The following CSMD1 variants were observed in gnomAD, a reference collection of about 807,000 sequenced individuals.
CSMD1 encodes the protein CUB and Sushi multiple domains 1, also known as CUB and sushi domain-containing protein 1.
CSMD1 carries 213 observed loss-of-function variants against 417.5 expected under a neutral mutation model. The observed-to-expected ratio is 0.51, with a 90% CI of 0.46 to 0.57. CSMD1 has a LOEUF of 0.57. Among genes scored for constraint, CSMD1 ranks in the 20% least tolerant of loss-of-function variants. CSMD1 has a pLI of 0.00. For synonymous variants in CSMD1, 2,862 were observed against 1,736.8 expected, an observed-to-expected ratio of 1.65 and a Z score of -16.11; for missense variants, 6,923 against 4,529.7, an observed-to-expected ratio of 1.53 and a Z score of -15.17.
At chr8:3,393,695 T>G (rs1184831991) in intron 17 of CSMD1, among the ~76,000 whole-genome samples, 1 of 151,812 alleles carries the variant, frequency 6.6e-6, no homozygotes, top group African/African-American at 2.4e-5. Context: ...TGTAGGGACA[T>G]GGATGAAGCT....
intron 1 of CSMD1, among the ~76,000 whole-genome samples, chr8:4,789,895 G>T (rs1419671943): frequency 6.6e-6 from 1 of 152,112 alleles, no homozygotes; most frequent in Non-Finnish European, 1.5e-5. Context: ...CTAAGTAATA[G>T]AATTTAGTAG....
At chr8:3,161,135 C>T (rs576798799) in intron 38 of CSMD1, among the ~76,000 whole-genome samples, 51 of 152,238 alleles carry the variant, frequency 3.4e-4, no homozygotes, top group African/African-American at 1.2e-3. Flanking sequence ...TTAGAATATA[C>T]ATGTTTTGAT....
In CSMD1 at chr8:3,029,485, C is replaced by T; in HGVS notation, c.7689G>A (p.Gln2563=). The T allele has an allele frequency of 1.2e-6, 2 of 1,603,174 alleles. No homozygotes were observed. The highest frequency in any genetic ancestry group is 2.7e-5 in the African/African-American group (2 of 74,610). Reference sequence around the variant, plus strand: ...GCCTCCAGATGACATGTTCTGAGAGCTGAGCTTCAATGCTGGGGCAAGCGA... The same window carrying T: ...GCCTCCAGATGACATGTTCTGAGAGTTGAGCTTCAATGCTGGGGCAAGCGA... The part of the protein sequence containing the change: ...KPVACPSIEA[Q]LSEHVIWRLV... The change falls in exon 51 of 70, where the codon CAG becomes CAA. Residue 2563 remains glutamine, a synonymous_variant. Coordinates refer to ENST00000635120, the MANE Select transcript of CSMD1 (RefSeq NM_033225.6).
chr8:3,073,585 C>A (rs1038798125), intron 49 of CSMD1, among the ~76,000 whole-genome samples: 1 of 152,048 alleles, frequency 6.6e-6, no homozygotes, highest in Non-Finnish European at 1.5e-5. Context: ...TCAATTTTAA[C>A]AGAAAATAGA....
At chr8:4,491,054 C>A (rs764620833) in intron 2 of CSMD1, among the ~76,000 whole-genome samples, 1 of 152,006 alleles carries the variant, frequency 6.6e-6, no homozygotes, top group East Asian at 1.9e-4. Context: ...TGTGGTGAGG[C>A]GGTCGCCTGC....
At chr8:3,753,894 G>GTTTT (rs748644859) in intron 6 of CSMD1, 36 bp downstream of exon 6, 5 of 1,120,610 alleles carry the variant, frequency 4.5e-6, no homozygotes, top group South Asian at 1.5e-5. Context: ...ATTACGCTCT[G>GTTTT]TTTTTTTTTT....
At chr8:3,192,440 T>A (rs1263557680) in intron 33 of CSMD1, among the ~76,000 whole-genome samples, 1 of 152,218 alleles carries the variant, frequency 6.6e-6, no homozygotes, top group Non-Finnish European at 1.5e-5. Context: ...CTGATACACC[T>A]TCTACACGTG....
At chr8:4,283,989 T>A (rs1028381073) in intron 3 of CSMD1, among the ~76,000 whole-genome samples, 2 of 152,178 alleles carry the variant, frequency 1.3e-5, no homozygotes, top group South Asian at 2.1e-4. Context: ...TCGTAGCACT[T>A]TGGGAGGCCG....
chr8:3,912,467 G>C (rs1388713699), intron 5 of CSMD1, among the ~76,000 whole-genome samples: 2 of 152,124 alleles, frequency 1.3e-5, no homozygotes, highest in East Asian at 3.8e-4. Flanking sequence ...AAACCAGAGA[G>C]GCTGCGTGCT....
chr8:4,786,339 T>A (rs958287731), intron 1 of CSMD1, among the ~76,000 whole-genome samples: 2 of 152,234 alleles, frequency 1.3e-5, no homozygotes, highest in African/African-American at 4.8e-5. Flanking sequence ...AATTTGGGTA[T>A]AATATTTTAC....
chr8:4,663,966 C>T (rs948471904), intron 1 of CSMD1, among the ~76,000 whole-genome samples: 1 of 152,156 alleles, frequency 6.6e-6, no homozygotes, highest in Admixed American at 6.5e-5. Context: ...CCAGATAAGA[C>T]TGAGGAAGTG....
At chr8:3,622,533 C>T (rs982297803) in intron 7 of CSMD1, among the ~76,000 whole-genome samples, 13 of 152,136 alleles carry the variant, frequency 8.5e-5, no homozygotes, top group Admixed American at 8.5e-4. Context: ...CACTCTGGAT[C>T]TTTTTAAAGA....
chr8:3,758,303 T>C (rs992212847), intron 5 of CSMD1, among the ~76,000 whole-genome samples: 2 of 152,230 alleles, frequency 1.3e-5, no homozygotes, highest in African/African-American at 4.8e-5. Flanking sequence ...GGGTGAGGGC[T>C]TTAGACCAAT....
chr8:4,515,917 C>T (rs1027915364), intron 2 of CSMD1, among the ~76,000 whole-genome samples: 2 of 152,162 alleles, frequency 1.3e-5, no homozygotes, highest in African/African-American at 2.4e-5. Context: ...CCCAAACTAG[C>T]AGACTTGTAG....
rs566092911 is a variant in CSMD1, at chr8:3,266,544, T to G, written c.4153+17600A>C. On this transcript the variant is annotated intron_variant, in intron 26 of 69. Transcript: ENST00000635120. ...TCACTTGAACCCAGGAGGCAGAGGT[T>G]GCAGTGAGCCGAGATCATGCCATTG... Among the ~76,000 whole-genome samples, 211 of 141,330 alleles carry G rather than the reference T, an allele frequency of 1.5e-3. 2 individuals carry two copies. The highest frequency in any genetic ancestry group is 5.3e-3 in the African/African-American group (200 of 37,742). 92.7% of individuals were successfully genotyped at this position (141,330 alleles called of 152,430 possible). A position where few individuals can be genotyped will look rare whatever the true frequency, so the allele number is the denominator to read the frequency against.
intron 10 of CSMD1, among the ~76,000 whole-genome samples, chr8:3,548,504 T>C (rs1337872051): frequency 6.6e-6 from 1 of 151,872 alleles, no homozygotes; most frequent in African/African-American, 2.4e-5. Context: ...TGCCTTTCCA[T>C]CCTCATAGCT....
chr8:4,616,911 T>C (rs1440274065), intron 2 of CSMD1, among the ~76,000 whole-genome samples: 1 of 152,182 alleles, frequency 6.6e-6, no homozygotes, highest in Non-Finnish European at 1.5e-5. Context: ...ATATTAATAA[T>C]ATAACAGACC....
At chr8:3,416,325 A>G (rs1420941808) in intron 12 of CSMD1, among the ~76,000 whole-genome samples, 1 of 147,208 alleles carries the variant, frequency 6.8e-6, no homozygotes, top group Non-Finnish European at 1.5e-5. Flanking sequence ...AAAAAAAAAA[A>G]AGTGTTCTTT....
intron 3 of CSMD1, among the ~76,000 whole-genome samples, chr8:4,368,995 G>A (rs771779245): frequency 6.6e-6 from 1 of 151,926 alleles, no homozygotes; most frequent in East Asian, 1.9e-4. Flanking sequence ...TATGTTTGGG[G>A]ATGGTTTGCT....
Sources: allele counts gnomAD v4.1 joint callset (sites outside exome capture counted in the v4.1 genomes callset), GRCh38; gene constraint gnomAD v4.1.1; transcripts MANE v1.5; gene names NCBI Gene and HGNC (gene_info 2026-07-23, HGNC 2026-07-21).